Variants in AMZ1 observed in about 807,000 individuals in gnomAD.
AMZ1 encodes the protein archaemetzincin-1.
Under a neutral mutation model 29.9 loss-of-function variants are expected in AMZ1, and 39 were observed. The observed-to-expected ratio is 1.30, with a 90% confidence interval of 1.01 to 1.70. The LOEUF is 1.70. Ranked by LOEUF, AMZ1 falls within the 40% of genes most tolerant of loss-of-function variation. The probability of loss-of-function intolerance (pLI) is 0.00; values close to 1 mark genes in which losing one functional copy is unlikely to be tolerated. For synonymous variants in AMZ1, 458 were observed against 304.0 expected (o/e 1.51, Z -5.27); for missense variants, 1,041 against 680.6 (o/e 1.53, Z -5.89).
At chr7:2,711,996 G>GC (rs1788809891) in intron 6 of AMZ1, among the ~76,000 whole-genome samples, 1 of 152,166 alleles carries the variant, frequency 6.6e-6, no homozygotes, top group Admixed American at 6.5e-5. Flanking sequence ...GCAGTGAGCT[G>GC]AGATCGCAGC....
chr7:2,721,188 G>A (rs913673732), downstream of AMZ1, among the ~76,000 whole-genome samples: 3 of 152,200 alleles, frequency 2.0e-5, no homozygotes, highest in Non-Finnish European at 4.4e-5. Flanking sequence ...TGCCTGGGAG[G>A]GATGGAAAGG....
chr7:2,680,862 C>G (rs772038770), intron 1 of AMZ1, among the ~76,000 whole-genome samples: 9 of 152,250 alleles, frequency 5.9e-5, no homozygotes, highest in Non-Finnish European at 8.8e-5. Context: ...CCAGGCGTGT[C>G]TGAGGACTCC....
chr7:2,724,300 G>A (rs1006714290), downstream of AMZ1, among the ~76,000 whole-genome samples: 5 of 152,248 alleles, frequency 3.3e-5, no homozygotes, highest in East Asian at 1.9e-4. Flanking sequence ...CCAGACCTGC[G>A]ACCTGTCGAG....
At chr7:2,727,560 G>T (rs528943008) in intron 4 of AMZ1, among the ~76,000 whole-genome samples, 1 of 152,178 alleles carries the variant, frequency 6.6e-6, no homozygotes, top group African/African-American at 2.4e-5. Context: ...CGTAAAGATG[G>T]GGTCTCTTGT....
At position 2,712,864 on chromosome 7, in the gene AMZ1, G is replaced by A. The variant is rs1450348860; in HGVS notation, c.1483G>A (p.Gly495Arg). ...AGAGTCGGCCCCCCGTCCCTGGGATGGGGAAGAGAGTTAGTACAGCAGGGG... is the reference window on the plus strand; with the variant it reads ...AGAGTCGGCCCCCCGTCCCTGGGATAGGGAAGAGAGTTAGTACAGCAGGGG... ...RAESAPRPWD[G>R]EES Residue 495 changes from glycine (G) to arginine (R), a missense_variant, in exon 7 of 7, where the codon GGG becomes AGG. Transcript: ENST00000683327. The A allele has an allele frequency of 1.1e-5, 17 of 1,523,292 alleles. No individual in the cohort carries two copies. Among genetic ancestry groups the A allele is most frequent in the Admixed American group, 2.1e-5 (1 of 47,090 alleles). 94.4% of individuals were successfully genotyped at this position (1,523,292 alleles called of 1,614,324 possible).
chr7:2,699,340 T>C (rs891193057), intron 1 of AMZ1, among the ~76,000 whole-genome samples: 6 of 152,164 alleles, frequency 3.9e-5, no homozygotes, highest in African/African-American at 1.4e-4. Context: ...TTCTGCCAGC[T>C]CCACACCCCC....
intron 4 of AMZ1, among the ~76,000 whole-genome samples, chr7:2,759,175 A>G (rs145201880): frequency 0.017 from 2,527 of 149,318 alleles, 72 homozygotes; most frequent in African/African-American, 0.06. Context: ...AAATAAATAA[A>G]TAAATAAATA....
At chr7:2,686,505 G>C (rs966343587), upstream of AMZ1, among the ~76,000 whole-genome samples, 6 of 152,136 alleles carry the variant, frequency 3.9e-5, no homozygotes, top group Non-Finnish European at 7.3e-5. Context: ...GTGCATTCTA[G>C]CTTGGGCAAT....
At chr7:2,693,976 G>C (rs1209506470) in intron 1 of AMZ1, among the ~76,000 whole-genome samples, 1 of 152,296 alleles carries the variant, frequency 6.6e-6, no homozygotes, top group South Asian at 2.1e-4. Context: ...AGGGACCTCT[G>C]TTTTGTCCAC....
intron 3 of AMZ1, among the ~76,000 whole-genome samples, chr7:2,707,276 CAA>C (rs34223369): frequency 2.8e-3 from 406 of 144,720 alleles, no homozygotes; most frequent in African/African-American, 4.6e-3. Context: ...CACTCCATCT[CAA>C]AAAAAAAAAA....
chr7:2,746,942 A>T (rs561981034), intron 4 of AMZ1, among the ~76,000 whole-genome samples: 39 of 152,372 alleles, frequency 2.6e-4, no homozygotes, highest in African/African-American at 9.4e-4. Context: ...ATTCCTCGAC[A>T]CATACATCCT....
At chr7:2,684,507 G>C (rs1192664126), upstream of AMZ1, among the ~76,000 whole-genome samples, 1 of 152,244 alleles carries the variant, frequency 6.6e-6, no homozygotes, top group Non-Finnish European at 1.5e-5. Context: ...GGATGGTGAT[G>C]GGGTCAAAGT....
chr7:2,723,196 G>A (rs1454889315), downstream of AMZ1, among the ~76,000 whole-genome samples: 3 of 152,178 alleles, frequency 2.0e-5, no homozygotes, highest in East Asian at 1.9e-4. Context: ...TACAGCCCAC[G>A]GTGCCTGTGG....
At chr7:2,719,833 A>AC (rs1789343197), downstream of AMZ1, among the ~76,000 whole-genome samples, 1 of 151,954 alleles carries the variant, frequency 6.6e-6, no homozygotes, top group South Asian at 2.1e-4. Flanking sequence ...GGTGCCTGCC[A>AC]CACCATGCCC....
chr7:2,704,191 A>G (rs570042343), intron 3 of AMZ1, among the ~76,000 whole-genome samples: 1 of 152,244 alleles, frequency 6.6e-6, no homozygotes, highest in East Asian at 1.9e-4. Context: ...GCCTGGCCTC[A>G]TCTAAGGTAC....
intron 4 of AMZ1, among the ~76,000 whole-genome samples, chr7:2,726,411 G>A (rs932290936): frequency 5.9e-5 from 9 of 152,168 alleles, no homozygotes; most frequent in Admixed American, 2.0e-4. Flanking sequence ...AGAACCGCCT[G>A]GGACATGGAG....
chr7:2,763,191 A>ACAC (rs1791652924), upstream of AMZ1: 9 of 222,642 alleles, frequency 4.0e-5, no homozygotes, highest in East Asian at 1.5e-4. Context: ...AAGACACCCC[A>ACAC]ACACACACAC....
chr7:2,712,647 G>C lies in AMZ1; in HGVS notation c.1266G>C (p.Val422=). ...AMCIQALQRE[V]AEEDLVQVDR... ...GCATCCAGGCCCTGCAGCGGGAAGT[G>C]GCAGAGGAGGACCTGGTGCAGGTGG... Residue 422 remains valine, a synonymous_variant, in exon 7 of 7, where the codon GTG becomes GTC. Coordinates refer to ENST00000683327, the MANE Select transcript of AMZ1 (RefSeq NM_001384743.1). 6.2e-7 allele frequency: 1 copy of C among 1,613,120 alleles called. No homozygotes were observed. Among genetic ancestry groups the C allele is most frequent in the Non-Finnish European group, 8.5e-7 (1 of 1,179,896 alleles).
chr7:2,742,390 A>G (rs926235728), intron 4 of AMZ1, among the ~76,000 whole-genome samples: 2 of 152,100 alleles, frequency 1.3e-5, no homozygotes, highest in Non-Finnish European at 2.9e-5. Context: ...AGTGTTTAAC[A>G]TGACAGTTTC....
Sources: allele counts gnomAD v4.1 joint callset (sites outside exome capture counted in the v4.1 genomes callset), GRCh38; gene constraint gnomAD v4.1.1; transcripts MANE v1.5; gene names NCBI Gene and HGNC (gene_info 2026-07-23, HGNC 2026-07-21).